The following SLC35D4 variants were observed in gnomAD, a reference collection of about 807,000 sequenced individuals.
The protein encoded by SLC35D4 is UDP-N-acetylglucosamine transporter SLC35D4.
At chr18:23,326,852 C>G in the SLC35D4 span, among the ~76,000 whole-genome samples, 11 of 152,226 alleles carry the variant, frequency 7.2e-5, no homozygotes, top group Admixed American at 7.2e-4. Flanking sequence ...AACAAACTGT[C>G]TCTCAGACCA....
chr18:23,284,764 A>G, the SLC35D4 span, among the ~76,000 whole-genome samples: 9 of 152,144 alleles, frequency 5.9e-5, no homozygotes, highest in African/African-American at 2.2e-4. Flanking sequence ...CCTACACTCA[A>G]TCATACCCCT....
the SLC35D4 span, among the ~76,000 whole-genome samples, chr18:23,392,947 G>A: frequency 6.6e-6 from 1 of 152,068 alleles, no homozygotes; most frequent in East Asian, 1.9e-4. Context: ...GCGGAGTCTC[G>A]CTCTGTCTTC....
chr18:23,268,845 A>C, the SLC35D4 span, among the ~76,000 whole-genome samples: 2 of 151,958 alleles, frequency 1.3e-5, no homozygotes, highest in East Asian at 1.9e-4. Flanking sequence ...ACAACAATAA[A>C]GCACTTTTGC....
At chr18:23,370,283 T>C in the SLC35D4 span, 7 of 1,611,810 alleles carry the variant, frequency 4.3e-6, no homozygotes, top group Non-Finnish European at 5.9e-6. Flanking sequence ...ATAAAACATA[T>C]CACTGGTCAT....
At chr18:23,329,970 T>C in the SLC35D4 span, among the ~76,000 whole-genome samples, 2 of 152,084 alleles carry the variant, frequency 1.3e-5, no homozygotes, top group African/African-American at 2.4e-5. Context: ...AAACACAACA[T>C]GTTTTCTCTC....
At chr18:23,286,863 T>C in the SLC35D4 span, among the ~76,000 whole-genome samples, 79 of 148,194 alleles carry the variant, frequency 5.3e-4, no homozygotes, top group East Asian at 1.6e-3. Flanking sequence ...TATTCCTGGA[T>C]TACAGCTGCA....
chr18:23,437,829 G>T, the SLC35D4 span: 11 of 1,612,840 alleles, frequency 6.8e-6, no homozygotes, highest in South Asian at 1.1e-4. Flanking sequence ...AGGTGAGGCC[G>T]ACCAGAGACC....
chr18:23,327,001 A>C, the SLC35D4 span, among the ~76,000 whole-genome samples: 2 of 152,210 alleles, frequency 1.3e-5, no homozygotes, highest in African/African-American at 4.8e-5. Flanking sequence ...TGAAACCAAT[A>C]AGAACAAAGA....
chr18:23,332,380 G>C, the SLC35D4 span, among the ~76,000 whole-genome samples: 328 of 152,228 alleles, frequency 2.2e-3, 1 homozygote, highest in African/African-American at 7.8e-3. Context: ...TGTTTCTCTT[G>C]GGTAAATACT....
the SLC35D4 span, among the ~76,000 whole-genome samples, chr18:23,331,794 C>A: frequency 6.6e-6 from 1 of 151,866 alleles, no homozygotes; most frequent in Non-Finnish European, 1.5e-5. Flanking sequence ...AGTGAGGATT[C>A]CATTGTATGG....
chr18:23,348,919 A>G, the SLC35D4 span, among the ~76,000 whole-genome samples: 1 of 152,184 alleles, frequency 6.6e-6, no homozygotes, highest in Non-Finnish European at 1.5e-5. Flanking sequence ...TCTCTTTCAT[A>G]TTTGAAGAAT....
At chr18:23,316,653 G>C in the SLC35D4 span, among the ~76,000 whole-genome samples, 1 of 139,428 alleles carries the variant, frequency 7.2e-6, no homozygotes, top group East Asian at 2.0e-4. Context: ...TGAGAACACA[G>C]ATGAGGAACA....
At chr18:23,347,832 C>A in the SLC35D4 span, among the ~76,000 whole-genome samples, 2 of 152,186 alleles carry the variant, frequency 1.3e-5, no homozygotes, top group Non-Finnish European at 2.9e-5. Flanking sequence ...TTTCCTATTT[C>A]ATTAATTTCC....
the SLC35D4 span, among the ~76,000 whole-genome samples, chr18:23,302,220 G>A: frequency 6.6e-6 from 1 of 152,226 alleles, no homozygotes; most frequent in Non-Finnish European, 1.5e-5. Flanking sequence ...GAGGGGATGG[G>A]AGGAGCAGCT....
the SLC35D4 span, among the ~76,000 whole-genome samples, chr18:23,241,616 G>A: frequency 2.0e-5 from 3 of 152,180 alleles, no homozygotes; most frequent in Non-Finnish European, 2.9e-5. Flanking sequence ...TTGTTCATGC[G>A]GCTGCCATGA....
At chr18:23,359,734 A>T in the SLC35D4 span, among the ~76,000 whole-genome samples, 2 of 152,130 alleles carry the variant, frequency 1.3e-5, no homozygotes, top group Non-Finnish European at 2.9e-5. Context: ...CCAGGTAACA[A>T]GGTTGTTTCT....
At chr18:23,267,663 G>A in the SLC35D4 span, among the ~76,000 whole-genome samples, 1 of 152,040 alleles carries the variant, frequency 6.6e-6, no homozygotes, top group African/African-American at 2.4e-5. Context: ...CCCTGACTCT[G>A]TCCCGTTCCT....
the SLC35D4 span, among the ~76,000 whole-genome samples, chr18:23,395,376 T>A: frequency 3.9e-5 from 6 of 152,174 alleles, no homozygotes; most frequent in African/African-American, 1.4e-4. Flanking sequence ...AACATCCCCC[T>A]ACCGCACACA....
the SLC35D4 span, among the ~76,000 whole-genome samples, chr18:23,430,280 C>G: frequency 1.3e-5 from 2 of 151,762 alleles, no homozygotes; most frequent in African/African-American, 4.8e-5. Context: ...TGCTATGTTG[C>G]CCAGACTGGT....
Sources: allele counts gnomAD v4.1 joint callset (sites outside exome capture counted in the v4.1 genomes callset), GRCh38; gene constraint gnomAD v4.1.1; transcripts MANE v1.5; gene names NCBI Gene and HGNC (gene_info 2026-07-23, HGNC 2026-07-21).